The following CYP39A1 variants were observed in gnomAD, a reference collection of about 807,000 sequenced individuals.
CYP39A1 encodes 24-hydroxycholesterol 7-alpha-hydroxylase.
CYP39A1 carries 49 observed loss-of-function variants against 58.1 expected under a neutral mutation model. The ratio of observed to expected loss-of-function variants is 0.84; its 90% CI spans 0.67 to 1.07. The LOEUF is 1.07. Among genes scored for constraint, CYP39A1 ranks in the 50% least tolerant of loss-of-function variants. The pLI, the probability that CYP39A1 is intolerant of heterozygous loss-of-function variation, is 0.00. For missense variants in CYP39A1, 531 were observed against 539.4 expected, an observed-to-expected ratio of 0.98 and a Z score of 0.16; for synonymous variants, 209 against 187.6, an observed-to-expected ratio of 1.11 and a Z score of -0.93.
At position 46,559,829 on chromosome 6, in the gene CYP39A1, C is replaced by T. The variant is rs113179351; in HGVS notation, c.1251-5975G>A. Among the ~76,000 whole-genome samples the T allele has an allele frequency of 4.2e-3, 634 of 152,302 alleles. 3 individuals are homozygous for T. Among genetic ancestry groups the T allele is most frequent in the African/African-American group, 0.014 (598 of 41,560 alleles). The stretch of plus-strand genomic sequence containing the variant: ...ACAGTAAAGCGACACTTAGATTATA[C>T]ACTAAGAGTTCTAACAATAAAATAA... On this transcript the variant is annotated intron_variant, in intron 10 of 11. Transcript: ENST00000275016.
At chr6:46,560,201 T>A (rs1386437201) in intron 10 of CYP39A1, among the ~76,000 whole-genome samples, 1 of 152,000 alleles carries the variant, frequency 6.6e-6, no homozygotes, top group Non-Finnish European at 1.5e-5. Flanking sequence ...TACTGGACAG[T>A]TTTGAGAAGT....
At chr6:46,622,709 C>T (rs191688884) in intron 7 of CYP39A1, among the ~76,000 whole-genome samples, 1 of 150,608 alleles carries the variant, frequency 6.6e-6, no homozygotes, top group East Asian at 1.9e-4. Context: ...ATAATAAAGA[C>T]TTAGATAATA....
Position 46,595,971 on chromosome 6 carries a change from C to T in CYP39A1, c.1065+16G>A. ...TTGTAGAAGGTTGATTCATTTAAAACCAAACCAAAGCTTACCAAAATTTCC... is the reference window on the plus strand; with the variant it reads ...TTGTAGAAGGTTGATTCATTTAAAATCAAACCAAAGCTTACCAAAATTTCC... On this transcript the variant is annotated intron_variant, in intron 8 of 11. Transcript: ENST00000275016. 2 of 1,603,096 alleles carry T rather than the reference C, an allele frequency of 1.2e-6. No homozygotes were observed. The highest frequency in any genetic ancestry group is 1.7e-6 in the Non-Finnish European group (2 of 1,176,552).
intron 10 of CYP39A1, among the ~76,000 whole-genome samples, chr6:46,572,406 A>G (rs965331919): frequency 2.0e-5 from 3 of 152,140 alleles, no homozygotes; most frequent in East Asian, 1.9e-4. Context: ...TCTTTATCTC[A>G]CCTTCATTTT....
intron 7 of CYP39A1, among the ~76,000 whole-genome samples, chr6:46,608,598 A>G (rs1034370123): frequency 1.8e-4 from 28 of 152,110 alleles, no homozygotes; most frequent in African/African-American, 5.3e-4. Flanking sequence ...ACCATTCACA[A>G]TAGGTTTTAT....
chr6:46,594,054 A>C (rs909671252), intron 8 of CYP39A1, among the ~76,000 whole-genome samples: 1 of 152,140 alleles, frequency 6.6e-6, no homozygotes, highest in Non-Finnish European at 1.5e-5. Flanking sequence ...TAAGAAATTC[A>C]TGTTGGTTGA....
chr6:46,585,176 C>T lies in CYP39A1; in HGVS notation c.1250+1901G>A, dbSNP rs144669975. On this transcript the variant is annotated intron_variant, in intron 10 of 11. Coordinates refer to ENST00000275016, the MANE Select transcript of CYP39A1 (RefSeq NM_016593.5). ...ATGTCATCATGGAAGGTAGTAATAG[C>T]GCCTCTTGGAAACAATAGTCAACAG... 3.7e-4 allele frequency among the ~76,000 whole-genome samples: 56 copies of T among 152,186 alleles called. No individual in the cohort carries two copies. In the East Asian group the frequency reaches 8.5e-3, roughly 23 times the overall value.
intron 10 of CYP39A1, among the ~76,000 whole-genome samples, chr6:46,577,637 C>T (rs962363323): frequency 1.3e-5 from 2 of 151,996 alleles, no homozygotes; most frequent in Non-Finnish European, 2.9e-5. Flanking sequence ...ATTCTTACTT[C>T]AAACAGAAGA....
chr6:46,561,128 T>C (rs1377792261), intron 10 of CYP39A1, among the ~76,000 whole-genome samples: 1 of 152,184 alleles, frequency 6.6e-6, no homozygotes, highest in African/African-American at 2.4e-5. Flanking sequence ...TATTAGGAAG[T>C]AGTGACTTCC....
In CYP39A1 at chr6:46,642,213, G is replaced by A. The variant is rs1776383201; in HGVS notation, c.263C>T (p.Ser88Phe). The A allele has an allele frequency of 1.2e-6, 2 of 1,612,690 alleles. No homozygotes were observed. Among genetic ancestry groups the A allele is most frequent in the Non-Finnish European group, 1.7e-6 (2 of 1,179,284 alleles). Reference protein sequence around the residue: ...EEEGINVFLKSKKVDFELAVQ... With the variant: ...EEEGINVFLKFKKVDFELAVQ... ...TGCTAGTTCAAAATCTACTTTTTTG[G>A]ATTTTAGAAACACATTAATTCCTTC... is the stretch of plus-strand genomic sequence containing the variant. Residue 88 changes from serine to phenylalanine, a missense_variant, in exon 2 of 12, where the codon TCC (serine) becomes TTC (phenylalanine). Coordinates refer to ENST00000275016, the MANE Select transcript of CYP39A1 (RefSeq NM_016593.5).
At chr6:46,568,357 T>C (rs942817217) in intron 10 of CYP39A1, among the ~76,000 whole-genome samples, 1 of 152,150 alleles carries the variant, frequency 6.6e-6, no homozygotes, top group African/African-American at 2.4e-5. Context: ...TGTTGCCTTT[T>C]TGTTTTGTTG....
chr6:46,639,439 A>AT (rs1442948623), intron 3 of CYP39A1, 55 bp downstream of exon 3: 25 of 1,562,386 alleles, frequency 1.6e-5, no homozygotes, highest in South Asian at 1.5e-4. Context: ...ATAGGTTTCA[A>AT]TTTTTTTATT....
chr6:46,611,962 A>G (rs527508628), intron 7 of CYP39A1, among the ~76,000 whole-genome samples: 2 of 152,364 alleles, frequency 1.3e-5, no homozygotes, highest in East Asian at 3.9e-4. Context: ...AATGCTCTGA[A>G]GAAAGAATTG....
intron 7 of CYP39A1, among the ~76,000 whole-genome samples, chr6:46,597,876 C>T (rs912726746): frequency 9.2e-5 from 14 of 152,116 alleles, no homozygotes; most frequent in South Asian, 2.1e-4. Flanking sequence ...TTAAGACCTT[C>T]GGCTTATTTG....
chr6:46,610,983 G>A lies in CYP39A1; in HGVS notation c.931+14435C>T, dbSNP rs78588596. The stretch of plus-strand genomic sequence containing the variant: ...TTAAAAAGCAGCTTAAAGTATCTGT[G>A]GTGAATACAGACTGGGGAAAGCAAA... On this transcript the variant is annotated intron_variant, in intron 7 of 11. Transcript: ENST00000275016. 5.4e-3 allele frequency among the ~76,000 whole-genome samples: 829 copies of A among 152,300 alleles called. 7 individuals are homozygous for A. Among genetic ancestry groups the A allele is most frequent in the African/African-American group, 0.019 (781 of 41,552 alleles).
At chr6:46,596,486 G>T (rs975414352) in intron 7 of CYP39A1, among the ~76,000 whole-genome samples, 3 of 151,836 alleles carry the variant, frequency 2.0e-5, no homozygotes, top group Non-Finnish European at 4.4e-5. Context: ...AGCAATAAAA[G>T]ACTGACATCA....
In CYP39A1 at chr6:46,550,106, A is replaced by T. The variant is rs549958061; in HGVS notation, c.*260T>A. On this transcript the variant is annotated 3_prime_UTR_variant, in exon 12 of 12. Transcript: ENST00000275016. Reference sequence around the variant, plus strand: ...GCATGAAATCAAATTCCAACTTCTTAAAAAATGTGGAGTTTTTTTGGATCA... The same window carrying T: ...GCATGAAATCAAATTCCAACTTCTTTAAAAATGTGGAGTTTTTTTGGATCA... 1 of 325,834 alleles carries T rather than the reference A, an allele frequency of 3.1e-6. No individual in the cohort carries two copies. The highest frequency in any genetic ancestry group is 4.9e-5 in the East Asian group (1 of 20,600). The allele number at this position is 325,834 out of a possible 1,614,324, so 20.2% of individuals were successfully genotyped here. A position where few individuals can be genotyped will look rare whatever the true frequency, so the allele number is the denominator to read the frequency against.
At chr6:46,596,390 T>C (rs3799880) in intron 7 of CYP39A1, among the ~76,000 whole-genome samples, 19,146 of 152,118 alleles carry the variant, frequency 0.13, 1,254 homozygotes, top group Middle Eastern at 0.18. Flanking sequence ...CACAGTCTTA[T>C]AGCTATCAAA....
rs529717933 is a variant in CYP39A1 at position 46,590,106 on chromosome 6, C to A, written c.1066-1977G>T. Among the ~76,000 whole-genome samples, 36 of 152,304 alleles carry A rather than the reference C, an allele frequency of 2.4e-4. No homozygotes were observed. The South Asian group carries it at 6.8e-3, about 29-fold the overall frequency. Reference sequence around the variant, plus strand: ...AGAAACCCTCTGAGCAAGCAGACATCATCACGCCCAGCCTAAACAGTCCCT... The same window carrying A: ...AGAAACCCTCTGAGCAAGCAGACATAATCACGCCCAGCCTAAACAGTCCCT... On this transcript the variant is annotated intron_variant, in intron 8 of 11. Transcript: ENST00000275016.
Sources: gnomAD v4.1 joint callset for allele counts (sites outside exome capture counted in the v4.1 genomes callset) on GRCh38, gnomAD v4.1.1 for gene constraint, MANE v1.5 for transcripts, NCBI Gene and HGNC (gene_info 2026-07-23, HGNC 2026-07-21) for gene names.